The following PCDH11Y variants were observed in gnomAD, a reference collection of about 807,000 sequenced individuals.
The protein encoded by PCDH11Y is protocadherin 11 Y-linked.
For missense variants in PCDH11Y, 12 were observed against 224.8 expected (o/e 0.05, Z 6.05); for synonymous variants, 9 against 83.6 (o/e 0.11, Z 4.87).
At chrY:5,543,219 T>C in intron 3 of PCDH11Y, among the ~76,000 whole-genome samples, 1 of 34,091 alleles carries the variant, frequency 2.9e-5, no homozygotes. Flanking sequence ...TCACCCACTG[T>C]GAAAATATCC....
chrY:5,136,018 T>A, intron 2 of PCDH11Y, among the ~76,000 whole-genome samples: 1 of 32,065 alleles, frequency 3.1e-5, no homozygotes. Flanking sequence ...ATAACCAGCA[T>A]TCAAGAAAGC....
rs1347851485 is a variant in PCDH11Y at position 5,012,851 on chromosome Y, A to AT, written c.-134+12263dup. Among the ~76,000 whole-genome samples the AT allele has an allele frequency of 1.2e-3, 29 of 24,038 alleles. No individual in the cohort carries two copies. In the East Asian group the frequency reaches 0.017, roughly 14 times the overall value. The allele number at this position is 24,038 out of a possible 37,273, so 64.5% of individuals were successfully genotyped here. On this transcript the variant is annotated intron_variant, in intron 1 of 5. Transcript: ENST00000333703. The stretch of plus-strand genomic sequence containing the variant: ...TCAGTTCTATGAACACGATCAGTTC[A>AT]TTTTTTTTTTTTTTTTTAGATGGAG...
At chrY:5,519,861 A>G (rs2124690065) in intron 3 of PCDH11Y, among the ~76,000 whole-genome samples, 1 of 24,292 alleles carries the variant, frequency 4.1e-5, no homozygotes, top group East Asian at 1.0e-3. Context: ...TCTATCCTCT[A>G]ATATTTTCAA....
chrY:5,492,782 A>G, intron 2 of PCDH11Y, among the ~76,000 whole-genome samples: 1 of 31,477 alleles, frequency 3.2e-5, no homozygotes, highest in Non-Finnish European at 7.6e-5. Flanking sequence ...TTGATTATCT[A>G]TGATGATTAT....
chrY:5,304,422 C>T lies in PCDH11Y; in HGVS notation c.3130-196635C>T, dbSNP rs1569476654. Among the ~76,000 whole-genome samples the T allele has an allele frequency of 6.4e-4, 21 of 32,917 alleles. No individual in the cohort carries two copies. In the East Asian group the frequency reaches 0.015, roughly 23 times the overall value. 88.3% of individuals were successfully genotyped at this position (32,917 alleles called of 37,273 possible). On this transcript the variant is annotated intron_variant, in intron 2 of 4. Coordinates refer to the PCDH11Y transcript ENST00000400457. ...ACCTTGTTACATGAATTGATGGTAA[C>T]GGTTGCTCAGCGATTTCCCAAAGGA...
chrY:5,130,537 A>G (rs2124641099), intron 2 of PCDH11Y, among the ~76,000 whole-genome samples: 1 of 33,637 alleles, frequency 3.0e-5, no homozygotes, highest in African/African-American at 1.2e-4. Context: ...GAAAAAATGC[A>G]AATCAAAACC....
intron 2 of PCDH11Y, among the ~76,000 whole-genome samples, chrY:5,253,360 C>G: frequency 3.2e-5 from 1 of 30,899 alleles, no homozygotes; most frequent in Non-Finnish European, 7.8e-5. Flanking sequence ...CTTGTTTGCC[C>G]TCTGAATACT....
chrY:5,630,239 C>CT (rs2053511296), intron 4 of PCDH11Y, among the ~76,000 whole-genome samples: 1 of 33,573 alleles, frequency 3.0e-5, no homozygotes, highest in Non-Finnish European at 7.4e-5. Flanking sequence ...GTAGAAATTC[C>CT]TTTTCTGACC....
chrY:5,683,271 G>T, intron 4 of PCDH11Y, among the ~76,000 whole-genome samples: 2 of 32,414 alleles, frequency 6.2e-5, no homozygotes, highest in African/African-American at 1.2e-4. Context: ...AAAGTGAAAA[G>T]TCTCCACAAT....
chrY:5,384,898 C>CA (rs1335940982), intron 2 of PCDH11Y, among the ~76,000 whole-genome samples: 6 of 18,801 alleles, frequency 3.2e-4, no homozygotes, highest in South Asian at 1.2e-3. Flanking sequence ...CTCCTGTTTT[C>CA]AAAAAAAAAA....
chrY:5,723,102 A>C, intron 4 of PCDH11Y, among the ~76,000 whole-genome samples: 1 of 31,809 alleles, frequency 3.1e-5, no homozygotes, highest in African/African-American at 1.2e-4. Flanking sequence ...ATACAATAAT[A>C]ATACATAATT....
intron 2 of PCDH11Y, among the ~76,000 whole-genome samples, chrY:5,435,438 C>G: frequency 3.3e-5 from 1 of 30,008 alleles, no homozygotes; most frequent in Non-Finnish European, 8.0e-5. Flanking sequence ...CTCAGCCTCC[C>G]GAGTAACTGG....
chrY:5,088,006 T>C lies in PCDH11Y; in HGVS notation c.637-10209T>C. 1.5e-4 allele frequency among the ~76,000 whole-genome samples: 5 copies of C among 32,266 alleles called. No homozygotes were observed. The South Asian group carries it at 3.6e-3, about 23-fold the overall frequency. 86.6% of individuals were successfully genotyped at this position (32,266 alleles called of 37,273 possible). ...CTGTACCATGAGGCCACTGCAGCAGTTGGGGGAGGAGAAGTGGCTTCGGTG... is the reference window on the plus strand; with the variant it reads ...CTGTACCATGAGGCCACTGCAGCAGCTGGGGGAGGAGAAGTGGCTTCGGTG... On this transcript the variant is annotated intron_variant, in intron 1 of 1. Coordinates refer to ENST00000215473, the Ensembl canonical transcript of PCDH11Y.
At chrY:5,368,775 A>G in intron 2 of PCDH11Y, among the ~76,000 whole-genome samples, 1 of 33,661 alleles carries the variant, frequency 3.0e-5, no homozygotes, top group Non-Finnish European at 7.4e-5. Context: ...AGCAGCCACA[A>G]GGGAGGCTGT....
intron 2 of PCDH11Y, among the ~76,000 whole-genome samples, chrY:5,392,239 G>A (rs2053221993): frequency 3.2e-5 from 1 of 30,906 alleles, no homozygotes; most frequent in African/African-American, 1.3e-4. Flanking sequence ...GCGTGTTGGC[G>A]GGCGCCTGTA....
intron 2 of PCDH11Y, among the ~76,000 whole-genome samples, chrY:5,214,561 T>C: frequency 3.0e-5 from 1 of 33,150 alleles, no homozygotes; most frequent in Non-Finnish European, 7.4e-5. Context: ...ATAGATTAAA[T>C]ATGATTTTTT....
At chrY:5,414,792 C>T in intron 2 of PCDH11Y, among the ~76,000 whole-genome samples, 1 of 32,478 alleles carries the variant, frequency 3.1e-5, no homozygotes, top group Non-Finnish European at 7.5e-5. Context: ...TTTTCGGAGT[C>T]TTGCACTGTC....
chrY:5,041,817 A>G, intron 3 of PCDH11Y, among the ~76,000 whole-genome samples: 1 of 33,279 alleles, frequency 3.0e-5, no homozygotes, highest in Non-Finnish European at 7.4e-5. Flanking sequence ...GGTATGAGAT[A>G]GTATCTCATT....
At chrY:5,315,224 CAG>C (rs2053105920) in intron 2 of PCDH11Y, among the ~76,000 whole-genome samples, 1 of 32,421 alleles carries the variant, frequency 3.1e-5, no homozygotes, top group Non-Finnish European at 7.6e-5. Context: ...TTCTAACAAA[CAG>C]AGACAGACTT....
Sources: gnomAD v4.1 joint callset for allele counts (sites outside exome capture counted in the v4.1 genomes callset) on GRCh38, gnomAD v4.1.1 for gene constraint, MANE v1.5 for transcripts, NCBI Gene and HGNC (gene_info 2026-07-23, HGNC 2026-07-21) for gene names.